MEI4: variants seen among roughly 807,000 people sequenced by gnomAD.
MEI4 encodes the protein meiotic double-stranded break formation protein 4.
In MEI4, 27 loss-of-function variants were observed where a neutral mutation model predicts 31.4. That is an observed-to-expected ratio of 0.86 (90% CI 0.63 to 1.19). MEI4 has a LOEUF of 1.19. Ranked by LOEUF, MEI4 falls within the 50% of genes most tolerant of loss-of-function variation. MEI4 has a pLI of 0.00. For missense variants in MEI4, 329 were observed against 398.9 expected, an observed-to-expected ratio of 0.82 and a Z score of 1.49; for synonymous variants, 122 against 145.4, an observed-to-expected ratio of 0.84 and a Z score of 1.16.
At position 77,699,055 on chromosome 6, in the gene MEI4, C is replaced by T. The variant is rs530184012; in HGVS notation, c.232+8152C>T. 8.1e-3 allele frequency among the ~76,000 whole-genome samples: 1,231 copies of T among 152,192 alleles called. 15 individuals carry two copies. Among genetic ancestry groups the T allele is most frequent in the African/African-American group, 0.025 (1,047 of 41,524 alleles). On this transcript the variant is annotated intron_variant, in intron 2 of 4. Transcript: ENST00000684080. ...ACTGATACCCTTTCTTCCAGTTGAT[C>T]GCATCGGCTCCTGAGGCTTCTGCAT...
intron 1 of MEI4, among the ~76,000 whole-genome samples, chr6:77,671,821 G>T (rs1219857647): frequency 6.6e-6 from 1 of 152,170 alleles, no homozygotes. Context: ...CTATACATAG[G>T]AGATTAGGTA....
intron 2 of MEI4, among the ~76,000 whole-genome samples, chr6:77,750,312 T>G (rs932489449): frequency 2.0e-5 from 3 of 152,098 alleles, no homozygotes; most frequent in Non-Finnish European, 4.4e-5. Flanking sequence ...CCCAGTTAAA[T>G]GACACAGACT....
intron 4 of MEI4, among the ~76,000 whole-genome samples, chr6:77,875,325 C>G (rs796962067): frequency 1.3e-5 from 2 of 152,210 alleles, no homozygotes; most frequent in East Asian, 3.8e-4. Flanking sequence ...TCTGGTTTCA[C>G]TACCATAGAA....
intron 2 of MEI4, among the ~76,000 whole-genome samples, chr6:77,733,663 C>T (rs1767084908): frequency 6.6e-6 from 1 of 151,884 alleles, no homozygotes; most frequent in South Asian, 2.1e-4. Flanking sequence ...TTCTTGCCTT[C>T]TGCTAGCTTT....
chr6:77,924,276 GTTA>G lies in MEI4; in HGVS notation c.*931_*933del, dbSNP rs1766791148. On this transcript the variant is annotated 3_prime_UTR_variant, in exon 5 of 5. Coordinates refer to ENST00000684080, the MANE Select transcript of MEI4 (RefSeq NM_001322247.2). ...AATGATATGTGATGGTGTTTCATAA[GTTA>G]ATTAGCATTCCTAAATGTCGTTGGC... The G allele has an allele frequency of 6.6e-6, 1 of 151,814 alleles. No individual in the cohort carries two copies. Among genetic ancestry groups the G allele is most frequent in the South Asian group, 2.1e-4 (1 of 4,828 alleles). The allele number at this position is 151,814 out of a possible 1,614,324, so 9.4% of individuals were successfully genotyped here.
chr6:77,855,848 A>G (rs1398503070), intron 4 of MEI4, among the ~76,000 whole-genome samples: 2 of 152,304 alleles, frequency 1.3e-5, no homozygotes, highest in South Asian at 2.1e-4. Context: ...ATAGTACTCT[A>G]TTAGAATATT....
chr6:77,733,890 G>A (rs1030003209), intron 2 of MEI4, among the ~76,000 whole-genome samples: 1 of 152,012 alleles, frequency 6.6e-6, no homozygotes, highest in Admixed American at 6.5e-5. Flanking sequence ...TATGTACCCA[G>A]TAGTCATTCA....
intron 4 of MEI4, among the ~76,000 whole-genome samples, chr6:77,922,004 C>CTGAT (rs1766714887): frequency 6.6e-6 from 1 of 151,806 alleles, no homozygotes; most frequent in East Asian, 1.9e-4. Flanking sequence ...AAAAATGACT[C>CTGAT]TGATAGACTA....
intron 4 of MEI4, among the ~76,000 whole-genome samples, chr6:77,913,011 C>A (rs1262721074): frequency 6.6e-6 from 1 of 151,872 alleles, no homozygotes; most frequent in East Asian, 1.9e-4. Flanking sequence ...TTGAACTTTC[C>A]CATTATGAAA....
intron 2 of MEI4, among the ~76,000 whole-genome samples, chr6:77,742,082 G>A (rs561275445): frequency 2.1e-3 from 313 of 152,086 alleles, no homozygotes; most frequent in Middle Eastern, 3.4e-3. Flanking sequence ...ATAAACATAC[G>A]TGTGCATGTG....
chr6:77,825,946 A>G (rs1582187798), intron 3 of MEI4, among the ~76,000 whole-genome samples: 1 of 152,224 alleles, frequency 6.6e-6, no homozygotes, highest in Admixed American at 6.5e-5. Context: ...TTATTCATCC[A>G]TCCTGAAACT....
chr6:77,763,772 AT>A (rs1284828289), intron 3 of MEI4, among the ~76,000 whole-genome samples: 2 of 151,978 alleles, frequency 1.3e-5, no homozygotes, highest in Non-Finnish European at 2.9e-5. Flanking sequence ...TCCTCTTTGA[AT>A]GTTTGGTAGG....
intron 4 of MEI4, among the ~76,000 whole-genome samples, chr6:77,832,552 T>A (rs1308535712): frequency 6.6e-6 from 1 of 152,136 alleles, no homozygotes; most frequent in Non-Finnish European, 1.5e-5. Context: ...TATATTTTTG[T>A]TTGAAATAAA....
chr6:77,744,515 G>T (rs1487905520), intron 2 of MEI4, among the ~76,000 whole-genome samples: 3 of 152,012 alleles, frequency 2.0e-5, no homozygotes, highest in Non-Finnish European at 4.4e-5. Flanking sequence ...AAAGTGATGG[G>T]GAGAATGGAA....
At chr6:77,749,350 C>A (rs1424230671) in intron 2 of MEI4, among the ~76,000 whole-genome samples, 1 of 152,096 alleles carries the variant, frequency 6.6e-6, no homozygotes, top group African/African-American at 2.4e-5. Context: ...TAACCCTATG[C>A]AAGGAAGCTG....
intron 4 of MEI4, among the ~76,000 whole-genome samples, chr6:77,911,519 T>C (rs2127739000): frequency 6.6e-6 from 1 of 152,056 alleles, no homozygotes; most frequent in South Asian, 2.1e-4. Flanking sequence ...TGTTCATGTG[T>C]ACTCAATGTT....
At chr6:77,846,458 C>T (rs985481189) in intron 4 of MEI4, among the ~76,000 whole-genome samples, 1 of 152,080 alleles carries the variant, frequency 6.6e-6, no homozygotes, top group Non-Finnish European at 1.5e-5. Context: ...AAGTTATTTT[C>T]AGAGCTTTGC....
chr6:77,686,130 C>T (rs1473122316), intron 1 of MEI4, among the ~76,000 whole-genome samples: 1 of 152,144 alleles, frequency 6.6e-6, no homozygotes, highest in Non-Finnish European at 1.5e-5. Flanking sequence ...TGAGTGAAAG[C>T]CTCCTGAGGC....
intron 3 of MEI4, among the ~76,000 whole-genome samples, chr6:77,790,549 G>T (rs1273934054): frequency 6.6e-6 from 1 of 151,450 alleles, no homozygotes; most frequent in African/African-American, 2.4e-5. Flanking sequence ...TGTACTTCCT[G>T]AATTTATAAA....
Sources: allele counts gnomAD v4.1 joint callset (sites outside exome capture counted in the v4.1 genomes callset), GRCh38; gene constraint gnomAD v4.1.1; transcripts MANE v1.5; gene names NCBI Gene and HGNC (gene_info 2026-07-23, HGNC 2026-07-21).